Variants in GAL3ST1 observed in about 807,000 individuals in gnomAD.
GAL3ST1 encodes the protein galactosylceramide sulfotransferase.
In GAL3ST1, 13 loss-of-function variants were observed where a neutral mutation model predicts 25.0. That is an observed-to-expected ratio of 0.52 (90% confidence interval 0.34 to 0.83). GAL3ST1 has a LOEUF of 0.83. GAL3ST1 is among the 40% of genes least tolerant of loss of function. The pLI is 0.02. For missense variants in GAL3ST1, 474 were observed against 613.6 expected, an observed-to-expected ratio of 0.77 and a Z score of 2.40; for synonymous variants, 274 against 277.8, an observed-to-expected ratio of 0.99 and a Z score of 0.14.
rs2146448656 is a variant in GAL3ST1 at position 30,574,630 on chromosome 22, C to T, written c.-284G>A. ...CTGCCGCGCCGCGCCCGCTCCCGCGCCGCGCCCGCTCCCGGCCAGGTGCCG... is the reference window on the plus strand; with the variant it reads ...CTGCCGCGCCGCGCCCGCTCCCGCGTCGCGCCCGCTCCCGGCCAGGTGCCG... On this transcript the variant is annotated 5_prime_UTR_variant, in exon 1 of 4. Coordinates refer to ENST00000406361, the MANE Select transcript of GAL3ST1 (RefSeq NM_001318104.2). 1 of 145,738 alleles carries T rather than the reference C, an allele frequency of 6.9e-6. No homozygotes were observed. Among genetic ancestry groups the T allele is most frequent in the Admixed American group, 6.8e-5 (1 of 14,660 alleles). 9.0% of individuals were successfully genotyped at this position (145,738 alleles called of 1,614,324 possible).
chr22:30,571,601 C>A (rs945562956), intron 1 of GAL3ST1, among the ~76,000 whole-genome samples: 2 of 152,092 alleles, frequency 1.3e-5, no homozygotes, highest in Non-Finnish European at 2.9e-5. Flanking sequence ...CAGTGGCTCA[C>A]GCCTGTAATC....
chr22:30,571,588 G>A (rs2086787187), intron 1 of GAL3ST1, among the ~76,000 whole-genome samples: 1 of 152,194 alleles, frequency 6.6e-6, no homozygotes. Context: ...CCACGGCCGG[G>A]CGCAGTGGCT....
At position 30,554,684 on chromosome 22, in the gene GAL3ST1, A is replaced by C; in HGVS notation, c.*269T>G. 4.1e-6 allele frequency: 1 copy of C among 242,296 alleles called. No homozygotes were observed. The highest frequency in any genetic ancestry group is 7.8e-6 in the Non-Finnish European group (1 of 127,630). The allele number at this position is 242,296 out of a possible 1,614,324, so 15.0% of individuals were successfully genotyped here. A position where few individuals can be genotyped will look rare whatever the true frequency, so the allele number is the denominator to read the frequency against. ...CCTTTACTTCTGAGGTCTCCCCTTT[A>C]AGGGGAGGCAGAAATAGAACATTCT... On this transcript the variant is annotated 3_prime_UTR_variant, in exon 4 of 4. Transcript: ENST00000406361.
At chr22:30,569,090 A>G (rs2086707462) in intron 1 of GAL3ST1, among the ~76,000 whole-genome samples, 1 of 151,442 alleles carries the variant, frequency 6.6e-6, no homozygotes, top group Non-Finnish European at 1.5e-5. Flanking sequence ...AAAAAAAAAA[A>G]AAAAAAGAGG....
intron 1 of GAL3ST1, among the ~76,000 whole-genome samples, chr22:30,571,643 C>T (rs1360210272): frequency 1.3e-5 from 2 of 152,118 alleles, no homozygotes; most frequent in Admixed American, 1.3e-4. Flanking sequence ...GCGGGCAGAT[C>T]ACGAGGTCAG....
chr22:30,571,723 G>A (rs1410910194), intron 1 of GAL3ST1, among the ~76,000 whole-genome samples: 2 of 152,142 alleles, frequency 1.3e-5, no homozygotes, highest in Admixed American at 6.5e-5. Context: ...AATTAGCCAG[G>A]CTTGGTGGTG....
chr22:30,562,037 C>A (rs1415493188), intron 1 of GAL3ST1, among the ~76,000 whole-genome samples: 1 of 152,142 alleles, frequency 6.6e-6, no homozygotes, highest in Non-Finnish European at 1.5e-5. Flanking sequence ...TGAGGGAGAA[C>A]AGTCACTAGG....
rs1391538706 is a variant in GAL3ST1 at position 30,555,383 on chromosome 22, C to T, written c.842G>A (p.Arg281His). ...EDVLYFKLNA[R>H]RDSPVPRLSG... ...GAGCCGCGGCACGGGCGAGTCGCGGCGGGCGTTGAGCTTGAAGTAGAGCAC... is the reference window on the plus strand; with the variant it reads ...GAGCCGCGGCACGGGCGAGTCGCGGTGGGCGTTGAGCTTGAAGTAGAGCAC... The change falls in exon 4 of 4, where the codon CGC becomes CAC. Residue 281 changes from arginine (R) to histidine (H), a missense_variant. Transcript: ENST00000406361. This position sits in a 1 kb window ranked among gnomAD's most constrained non-coding sequence, Gnocchi z 8.6. 6.2e-7 allele frequency: 1 copy of T among 1,608,604 alleles called. No homozygotes were observed. Among genetic ancestry groups the T allele is most frequent in the East Asian group, 2.2e-5 (1 of 44,860 alleles).
At chr22:30,573,192 G>A (rs908698265) in intron 1 of GAL3ST1, among the ~76,000 whole-genome samples, 1 of 152,170 alleles carries the variant, frequency 6.6e-6, no homozygotes, top group East Asian at 1.9e-4. Flanking sequence ...GGGAGGCGAG[G>A]GGGGGTGTCC....
chr22:30,554,792 G>A lies in GAL3ST1; in HGVS notation c.*161C>T. On this transcript the variant is annotated 3_prime_UTR_variant, in exon 4 of 4. Coordinates refer to ENST00000406361, the MANE Select transcript of GAL3ST1 (RefSeq NM_001318104.2). The stretch of plus-strand genomic sequence containing the variant: ...TCGGTTAGGCCCTCTCTGTGTTCAT[G>A]GGCCCAGTCTTGGCTGGCTGCCTCC... 5.3e-6 allele frequency: 3 copies of A among 560,950 alleles called. No individual in the cohort carries two copies. The highest frequency in any genetic ancestry group is 2.6e-5 in the South Asian group (1 of 38,792). The allele number at this position is 560,950 out of a possible 1,614,324, so 34.7% of individuals were successfully genotyped here. A position where few individuals can be genotyped will look rare whatever the true frequency, so the allele number is the denominator to read the frequency against.
chr22:30,555,491 C>G lies in GAL3ST1; in HGVS notation c.734G>C (p.Arg245Pro). ...VQEHILEVER[R>P]FHLVLLQEYF... ...CTCTTGAAGGAGCACCAGGTGGAAG[C>G]GACGCTCCACCTCCAGGATGTGCTC... is the stretch of plus-strand genomic sequence containing the variant. The change falls in exon 4 of 4, where the codon CGC becomes CCC. Residue 245 changes from arginine to proline, a missense_variant. Arg to Pro is a moderately radical substitution (Grantham distance 103). Transcript: ENST00000406361. The surrounding 1 kb of genome is among the most constrained non-coding windows in gnomAD (Gnocchi z 8.6). 6.2e-7 allele frequency: 1 copy of G among 1,613,246 alleles called. No homozygotes were observed. Among genetic ancestry groups the G allele is most frequent in the Non-Finnish European group, 8.5e-7 (1 of 1,179,696 alleles).
In GAL3ST1 at chr22:30,555,408, C is replaced by T. The variant is rs2085944773; in HGVS notation, c.817G>A (p.Val273Met). 1.2e-6 allele frequency: 2 copies of T among 1,610,196 alleles called. No individual in the cohort carries two copies. Among genetic ancestry groups the T allele is most frequent in the African/African-American group, 2.7e-5 (2 of 75,002 alleles). The change falls in exon 4 of 4, where the codon GTG becomes ATG. Residue 273 changes from valine (V) to methionine (M), a missense_variant. This residue lies in a region of GAL3ST1 where 359 missense variants were observed against 504.4 expected (regional missense o/e 0.71). Transcript: ENST00000406361. The surrounding 1 kb of genome is among the most constrained non-coding windows in gnomAD (Gnocchi z 8.6). ...KDLLCWELED[V>M]LYFKLNARRD... ...CGGGCGTTGAGCTTGAAGTAGAGCA[C>T]GTCCTCCAGCTCCCAGCACAGCAGG...
rs114623546 is a variant in GAL3ST1, at chr22:30,555,739, C to T, written c.486G>A (p.Val162=). 1 of 1,614,048 alleles carries T rather than the reference C, an allele frequency of 6.2e-7. No homozygotes were observed. Among genetic ancestry groups the T allele is most frequent in the African/African-American group, 1.3e-5 (1 of 75,056 alleles). Residue 162 remains valine, a synonymous_variant, in exon 4 of 4, where the codon GTG becomes GTA. Coordinates refer to ENST00000406361, the MANE Select transcript of GAL3ST1 (RefSeq NM_001318104.2). This position sits in a 1 kb window ranked among gnomAD's most constrained non-coding sequence, Gnocchi z 8.6. ...CGAACAAGCGGGCGGGGTCGCGGAG[C>T]ACCGTGATGAAGATGGCGTTGGTCG... The part of the protein sequence containing the change: ...LVPTNAIFIT[V]LRDPARLFES...
chr22:30,566,775 A>T (rs1243258524), intron 1 of GAL3ST1, among the ~76,000 whole-genome samples: 1 of 151,716 alleles, frequency 6.6e-6, no homozygotes, highest in Admixed American at 6.6e-5. Context: ...ATGCTCGGCT[A>T]ATTTTTTGTA....
Position 30,555,694 on chromosome 22 carries a change from G to T in GAL3ST1, c.531C>A (p.Phe177Leu), listed in dbSNP as rs1173597398. The change falls in exon 4 of 4, where the codon TTC (phenylalanine) becomes TTA (leucine). Residue 177 changes from phenylalanine (F) to leucine (L), a missense_variant. Around this residue, in one of 2 missense-constraint regions of GAL3ST1, gnomAD observed 359 missense variants for 504.4 expected, o/e 0.71. Coordinates refer to ENST00000406361, the MANE Select transcript of GAL3ST1 (RefSeq NM_001318104.2). The surrounding 1 kb of genome is among the most constrained non-coding windows in gnomAD (Gnocchi z 8.6). The stretch of plus-strand genomic sequence containing the variant: ...TCCACGTGAGGGGCACCACCGGCCC[G>T]AAGTAGTGGAAGGAGGACTCGAACA... The part of the protein sequence containing the change: ...ARLFESSFHY[F>L]GPVVPLTWKL... 1.9e-6 allele frequency: 3 copies of T among 1,613,886 alleles called. No homozygotes were observed. Among genetic ancestry groups the T allele is most frequent in the Non-Finnish European group, 2.5e-6 (3 of 1,180,030 alleles).
rs1303627778 is a variant in GAL3ST1 at position 30,554,833 on chromosome 22, C to G, written c.*120G>C. The G allele has an allele frequency of 4.0e-6, 3 of 752,902 alleles. No homozygotes were observed. In the East Asian group the frequency reaches 8.6e-5, roughly 22 times the overall value. The allele number at this position is 752,902 out of a possible 1,614,324, so 46.6% of individuals were successfully genotyped here. A position where few individuals can be genotyped will look rare whatever the true frequency, so the allele number is the denominator to read the frequency against. ...GGCTGCCTCCCCCCAGGGAGCCCCC[C>G]CTCACCCCGGGGTCTGAGGTGGCAC... is the stretch of plus-strand genomic sequence containing the variant. On this transcript the variant is annotated 3_prime_UTR_variant, in exon 4 of 4. Coordinates refer to ENST00000406361, the MANE Select transcript of GAL3ST1 (RefSeq NM_001318104.2).
At chr22:30,556,973 G>A (rs1236768361) in intron 3 of GAL3ST1, among the ~76,000 whole-genome samples, 2 of 152,192 alleles carry the variant, frequency 1.3e-5, no homozygotes, top group South Asian at 2.1e-4. Flanking sequence ...GACCTCAGAC[G>A]ATCTGCCCGC....
At position 30,557,675 on chromosome 22, in the gene GAL3ST1, G is replaced by A. The variant is rs560726339; in HGVS notation, c.-9-274C>T. On this transcript the variant is annotated intron_variant, in intron 2 of 3. Transcript: ENST00000406361. ...TAAAATTTAAAAATTAAAATGAACC[G>A]GGTAGAGAACCAGGGCCCCAAACTT... 3.0e-5 allele frequency: 10 copies of A among 332,440 alleles called. No individual in the cohort carries two copies. The South Asian group carries it at 3.4e-4, about 11-fold the overall frequency. 20.6% of individuals were successfully genotyped at this position (332,440 alleles called of 1,614,324 possible). A position where few individuals can be genotyped will look rare whatever the true frequency, so the allele number is the denominator to read the frequency against.
intron 1 of GAL3ST1, among the ~76,000 whole-genome samples, chr22:30,568,445 G>C (rs2086687882): frequency 6.6e-6 from 1 of 152,214 alleles, no homozygotes; most frequent in Admixed American, 6.5e-5. Context: ...TTTACTGGAT[G>C]AACGGGGTGG....
Sources: gnomAD v4.1 joint callset for allele counts (sites outside exome capture counted in the v4.1 genomes callset) on GRCh38, gnomAD v4.1.1 for gene constraint, gnomAD v4.1.1 regional missense constraint, Gnocchi (gnomAD v3.1) non-coding constraint, MANE v1.5 for transcripts, NCBI Gene and HGNC (gene_info 2026-07-23, HGNC 2026-07-21) for gene names.